LDLRAD4: variants seen among roughly 807,000 people sequenced by gnomAD.
LDLRAD4 encodes low-density lipoprotein receptor class A domain-containing protein 4.
Under a neutral mutation model 17.0 loss-of-function variants are expected in LDLRAD4, and 5 were observed. The observed-to-expected ratio is 0.29, with a 90% CI of 0.15 to 0.62. The LOEUF (loss-of-function observed/expected upper bound fraction) is 0.62. Among genes scored for constraint, LDLRAD4 ranks in the 20% least tolerant of loss-of-function variants. LDLRAD4 has a pLI of 0.84. For missense variants in LDLRAD4, 340 were observed against 424.7 expected, an observed-to-expected ratio of 0.80 and a Z score of 1.75; for synonymous variants, 168 against 171.8, an observed-to-expected ratio of 0.98 and a Z score of 0.17.
rs753527858 is a variant in LDLRAD4 at position 13,643,388 on chromosome 18, C to G, written c.366C>G (p.Ala122=). The change falls in exon 5 of 6, where the codon GCC becomes GCG. Residue 122 remains alanine, a synonymous_variant. Transcript: ENST00000359446. ...GGTGCCTGTGGCCTTCAGACAGCGC[C>G]GCACCGCGGCTGGGCGCCTCGGAGG... 7.3e-6 allele frequency: 10 copies of G among 1,368,654 alleles called. No individual in the cohort carries two copies. The South Asian group carries it at 7.9e-5, about 11-fold the overall frequency. The allele number at this position is 1,368,654 out of a possible 1,614,324, so 84.8% of individuals were successfully genotyped here. A position where few individuals can be genotyped will look rare whatever the true frequency, so the allele number is the denominator to read the frequency against.
chr18:13,605,002 G>A (rs971780830), intron 3 of LDLRAD4, among the ~76,000 whole-genome samples: 22 of 152,192 alleles, frequency 1.4e-4, no homozygotes, highest in Non-Finnish European at 2.8e-4. Flanking sequence ...CAGGAAGGCC[G>A]AGGCGGGGAC....
chr18:13,429,492 T>A (rs994606845), intron 2 of LDLRAD4, among the ~76,000 whole-genome samples: 1 of 152,192 alleles, frequency 6.6e-6, no homozygotes, highest in African/African-American at 2.4e-5. Context: ...AATTCAGGAA[T>A]CCATTTTTAA....
chr18:13,396,583 A>T (rs920029107), intron 2 of LDLRAD4, among the ~76,000 whole-genome samples: 1 of 152,208 alleles, frequency 6.6e-6, no homozygotes, highest in African/African-American at 2.4e-5. Flanking sequence ...TCCTGGGCTC[A>T]AGTGATCCTC....
chr18:13,511,051 A>G (rs1269128378), intron 3 of LDLRAD4, among the ~76,000 whole-genome samples: 2 of 152,176 alleles, frequency 1.3e-5, no homozygotes, highest in Admixed American at 1.3e-4. Context: ...TGGGAGCAAC[A>G]TTCTTCAAGC....
At chr18:13,595,937 T>C (rs1047752713) in intron 3 of LDLRAD4, among the ~76,000 whole-genome samples, 2 of 152,212 alleles carry the variant, frequency 1.3e-5, no homozygotes, top group Admixed American at 6.5e-5. Context: ...TCCTCTGCCT[T>C]GTTGTTTTAT....
At chr18:13,618,514 C>T (rs1234335239) in intron 3 of LDLRAD4, among the ~76,000 whole-genome samples, 1 of 152,228 alleles carries the variant, frequency 6.6e-6, no homozygotes, top group Admixed American at 6.5e-5. Context: ...TGCTTGTCTG[C>T]ATAGCTTTCC....
chr18:13,302,153 G>A (rs2046644123), intron 1 of LDLRAD4, among the ~76,000 whole-genome samples: 1 of 152,250 alleles, frequency 6.6e-6, no homozygotes, highest in Non-Finnish European at 1.5e-5. Context: ...GATGTGGACT[G>A]GTAATTAGCA....
At chr18:13,404,722 C>T (rs934464615) in intron 2 of LDLRAD4, among the ~76,000 whole-genome samples, 5 of 151,374 alleles carry the variant, frequency 3.3e-5, no homozygotes, top group East Asian at 1.9e-4. Context: ...GGCGTGAACC[C>T]GGGAGGCGGA....
At chr18:13,420,320 A>G (rs931082298) in intron 2 of LDLRAD4, 2 of 151,814 alleles carry the variant, frequency 1.3e-5, no homozygotes, top group East Asian at 1.9e-4. Context: ...ATCAAACACT[A>G]CATTGATGCT....
intron 1 of LDLRAD4, among the ~76,000 whole-genome samples, chr18:13,303,597 C>G (rs1029949535): frequency 6.6e-6 from 1 of 152,050 alleles, no homozygotes; most frequent in Non-Finnish European, 1.5e-5. Context: ...CTCCCAAAGC[C>G]CTAGGATTAC....
At chr18:13,371,043 C>T (rs1221468431) in intron 1 of LDLRAD4, among the ~76,000 whole-genome samples, 3 of 152,284 alleles carry the variant, frequency 2.0e-5, no homozygotes, top group African/African-American at 7.2e-5. Flanking sequence ...CTTTTCTCAC[C>T]GGAAAACATT....
At chr18:13,582,496 AGT>A (rs1169932207) in intron 3 of LDLRAD4, among the ~76,000 whole-genome samples, 2 of 152,216 alleles carry the variant, frequency 1.3e-5, no homozygotes, top group East Asian at 3.9e-4. Context: ...AGCCGAGGGC[AGT>A]GTTTGCAGCT....
intron 2 of LDLRAD4, among the ~76,000 whole-genome samples, chr18:13,422,851 C>T (rs964671986): frequency 6.6e-6 from 1 of 152,222 alleles, no homozygotes; most frequent in Non-Finnish European, 1.5e-5. Context: ...TGTGCTGTGC[C>T]AGGCTGTGGG....
intron 1 of LDLRAD4, among the ~76,000 whole-genome samples, chr18:13,341,754 A>G (rs1355271442): frequency 2.0e-5 from 3 of 152,146 alleles, no homozygotes; most frequent in African/African-American, 7.2e-5. Flanking sequence ...TGCTATGGCT[A>G]GGACGTGTAC....
chr18:13,480,565 A>T (rs2093057947), intron 3 of LDLRAD4, among the ~76,000 whole-genome samples: 1 of 152,166 alleles, frequency 6.6e-6, no homozygotes, highest in African/African-American at 2.4e-5. Flanking sequence ...ACTCTGGGTG[A>T]TGAAGGAGTG....
intron 1 of LDLRAD4, among the ~76,000 whole-genome samples, chr18:13,290,498 C>T (rs895476905): frequency 4.6e-5 from 7 of 151,998 alleles, no homozygotes; most frequent in African/African-American, 1.7e-4. Flanking sequence ...TTGAAAGTTT[C>T]CACTAATTTG....
intron 1 of LDLRAD4, among the ~76,000 whole-genome samples, chr18:13,248,745 C>T (rs1424808841): frequency 6.6e-6 from 1 of 152,156 alleles, no homozygotes; most frequent in Non-Finnish European, 1.5e-5. Context: ...AAACATTTGT[C>T]ATTTCTTTGT....
At chr18:13,268,675 A>G (rs2146082708) in intron 1 of LDLRAD4, among the ~76,000 whole-genome samples, 1 of 152,348 alleles carries the variant, frequency 6.6e-6, no homozygotes, top group Admixed American at 6.5e-5. Context: ...ATGCAGTATT[A>G]TATTGTAAAC....
chr18:13,628,573 A>G (rs1428795030), intron 4 of LDLRAD4, among the ~76,000 whole-genome samples: 1 of 152,228 alleles, frequency 6.6e-6, no homozygotes, highest in Non-Finnish European at 1.5e-5. Flanking sequence ...GCTATGTCTA[A>G]TTGAAGCATT....
Sources: allele counts gnomAD v4.1 joint callset (sites outside exome capture counted in the v4.1 genomes callset), GRCh38; gene constraint gnomAD v4.1.1; transcripts MANE v1.5; gene names NCBI Gene and HGNC (gene_info 2026-07-23, HGNC 2026-07-21).